Variants in PCSK5 observed in about 807,000 individuals in gnomAD.
PCSK5 encodes the protein proprotein convertase subtilisin/kexin type 5.
In PCSK5, 129 loss-of-function variants were observed where a neutral mutation model predicts 233.2. The observed-to-expected ratio is 0.55, with a 90% CI of 0.48 to 0.64. PCSK5 has a LOEUF of 0.64. PCSK5 is among the 30% of genes least tolerant of loss of function. PCSK5 has a pLI of 0.00. For synonymous variants in PCSK5, 825 were observed against 879.2 expected, an observed-to-expected ratio of 0.94 and a Z score of 1.09; for missense variants, 2,076 against 2,430.1, an observed-to-expected ratio of 0.85 and a Z score of 3.06.
At chr9:76,227,748 T>C (rs1256001188) in intron 21 of PCSK5, 143 bp downstream of exon 21, 9 of 638,906 alleles carry the variant, frequency 1.4e-5, no homozygotes, top group Non-Finnish European at 2.0e-5. Context: ...GATATTCTCC[T>C]TGGTCTGGGC....
intron 12 of PCSK5, among the ~76,000 whole-genome samples, chr9:76,167,980 T>A (rs1170233155): frequency 6.6e-6 from 1 of 152,236 alleles, no homozygotes; most frequent in Non-Finnish European, 1.5e-5. Context: ...ACTCTTTTTT[T>A]ATTTTTTTCA....
intron 24 of PCSK5, chr9:76,287,281 G>A (rs1828107963): frequency 4.4e-6 from 1 of 228,116 alleles, no homozygotes; most frequent in South Asian, 7.9e-5. Context: ...GCAAATGTGG[G>A]GCTTATTCTT....
At chr9:75,908,096 G>C (rs1009416187) in intron 1 of PCSK5, among the ~76,000 whole-genome samples, 3 of 152,218 alleles carry the variant, frequency 2.0e-5, no homozygotes, top group Non-Finnish European at 4.4e-5. Context: ...CATCCTTGGA[G>C]ATAGGAAACA....
At chr9:75,988,745 A>C (rs550234232) in intron 3 of PCSK5, among the ~76,000 whole-genome samples, 23 of 152,282 alleles carry the variant, frequency 1.5e-4, no homozygotes, top group African/African-American at 5.5e-4. Flanking sequence ...AGCTGGAACA[A>C]ATGCATGTGT....
intron 35 of PCSK5, among the ~76,000 whole-genome samples, chr9:76,350,563 C>T (rs886524587): frequency 2.9e-4 from 44 of 152,310 alleles, no homozygotes; most frequent in African/African-American, 9.9e-4. Context: ...CATGATTTCT[C>T]ATTCTCTGAA....
intron 21 of PCSK5, among the ~76,000 whole-genome samples, chr9:76,229,743 C>T (rs1826015341): frequency 6.6e-6 from 1 of 152,240 alleles, no homozygotes; most frequent in Admixed American, 6.5e-5. Flanking sequence ...TCTTTCATTA[C>T]AGTTCATGTC....
intron 8 of PCSK5, among the ~76,000 whole-genome samples, chr9:76,099,743 G>A (rs565303635): frequency 5.3e-5 from 8 of 152,252 alleles, no homozygotes; most frequent in South Asian, 2.1e-4. Flanking sequence ...TTGGTCCCTC[G>A]GTGATGCCCG....
chr9:75,950,595 C>G (rs1824810477), intron 2 of PCSK5, among the ~76,000 whole-genome samples: 1 of 152,122 alleles, frequency 6.6e-6, no homozygotes, highest in Admixed American at 6.5e-5. Flanking sequence ...AACTAAGCTT[C>G]ATAAGTGAAG....
chr9:76,141,515 A>G (rs1474312561), intron 10 of PCSK5, among the ~76,000 whole-genome samples: 1 of 152,088 alleles, frequency 6.6e-6, no homozygotes, highest in Non-Finnish European at 1.5e-5. Context: ...ACATTATTTT[A>G]TGTGTACAGT....
chr9:75,911,757 C>A (rs985618626), intron 1 of PCSK5, among the ~76,000 whole-genome samples: 2 of 151,994 alleles, frequency 1.3e-5, no homozygotes, highest in African/African-American at 2.4e-5. Context: ...GGGGACCTGG[C>A]CATTGTGTCT....
Position 76,282,145 on chromosome 9 carries a change from T to TTTTTTTTTTTTTTTTTTC in PCSK5, c.3143-10086_3143-10085insTTTTTTTTTTTTTTTCTT, listed in dbSNP as rs1286020691. ...CTTTTTTTTTTTTTTTTTTTTTTTT[T>TTTTTTTTTTTTTTTTTTC]TTCGCTCTGTTGCCCAGGCTGGAGC... is the stretch of plus-strand genomic sequence containing the variant. On this transcript the variant is annotated intron_variant, in intron 24 of 37. Transcript: ENST00000674117. Among the ~76,000 whole-genome samples, 17 of 98,990 alleles carry TTTTTTTTTTTTTTTTTTC rather than the reference T, an allele frequency of 1.7e-4. 1 individual carries two copies. The highest frequency in any genetic ancestry group is 2.9e-4 in the Non-Finnish European group (14 of 48,200). The allele number at this position is 98,990 out of a possible 152,430, so 64.9% of individuals were successfully genotyped here.
intron 1 of PCSK5, among the ~76,000 whole-genome samples, chr9:75,902,950 T>G (rs1378125437): frequency 6.6e-6 from 1 of 152,196 alleles, no homozygotes; most frequent in African/African-American, 2.4e-5. Flanking sequence ...ACAGAGAATG[T>G]AAAACCAGGA....
chr9:75,907,122 T>A, intron 1 of PCSK5, among the ~76,000 whole-genome samples: 1 of 152,238 alleles, frequency 6.6e-6, no homozygotes, highest in East Asian at 1.9e-4. Context: ...GCTCTGATTT[T>A]TAACTTCATT....
chr9:76,135,838 C>T (rs986130713), intron 10 of PCSK5, among the ~76,000 whole-genome samples: 2 of 152,050 alleles, frequency 1.3e-5, no homozygotes, highest in East Asian at 1.9e-4. Context: ...AACTTTAACC[C>T]GAATAAATAT....
chr9:76,126,437 A>G (rs938745863), intron 9 of PCSK5, among the ~76,000 whole-genome samples: 18 of 152,144 alleles, frequency 1.2e-4, no homozygotes, highest in African/African-American at 4.1e-4. Context: ...AACGTGGAGA[A>G]ATCCCGTCTC....
chr9:76,226,568 G>A (rs1825899300), intron 20 of PCSK5, among the ~76,000 whole-genome samples: 1 of 152,166 alleles, frequency 6.6e-6, no homozygotes, highest in Admixed American at 6.5e-5. Flanking sequence ...GCTTATGGGG[G>A]CTGTCAGAGT....
intron 20 of PCSK5, among the ~76,000 whole-genome samples, chr9:76,212,106 A>C (rs566103542): frequency 6.6e-6 from 1 of 152,274 alleles, no homozygotes; most frequent in South Asian, 2.1e-4. Flanking sequence ...TCTTCGTGTG[A>C]GTTTTATGCC....
intron 17 of PCSK5, among the ~76,000 whole-genome samples, chr9:76,188,179 TG>T (rs1824194576): frequency 6.6e-6 from 1 of 152,208 alleles, no homozygotes; most frequent in Admixed American, 6.5e-5. Context: ...AAATAACTGT[TG>T]AATTTATTAT....
At chr9:76,008,499 T>C (rs1406549593) in intron 3 of PCSK5, among the ~76,000 whole-genome samples, 1 of 151,822 alleles carries the variant, frequency 6.6e-6, no homozygotes, top group Non-Finnish European at 1.5e-5. Context: ...TCTCGCTCTG[T>C]CACCCAGGCT....
Sources: allele counts gnomAD v4.1 joint callset (sites outside exome capture counted in the v4.1 genomes callset), GRCh38; gene constraint gnomAD v4.1.1; transcripts MANE v1.5; gene names NCBI Gene and HGNC (gene_info 2026-07-23, HGNC 2026-07-21).